Variants in OPCML observed in about 807,000 individuals in gnomAD.
The protein encoded by OPCML is opioid-binding protein/cell adhesion molecule.
OPCML carries 13 observed loss-of-function variants against 37.8 expected under a neutral mutation model. That is an observed-to-expected ratio of 0.34 (90% CI 0.22 to 0.55). OPCML has a LOEUF of 0.55. OPCML is among the 20% of genes least tolerant of loss of function. The pLI is 0.91. For missense variants in OPCML, 341 were observed against 435.6 expected (o/e 0.78, Z 1.93); for synonymous variants, 176 against 168.8 (o/e 1.04, Z -0.33).
intron 7 of OPCML, among the ~76,000 whole-genome samples, chr11:132,424,445 C>T (rs2095971213): frequency 6.6e-6 from 1 of 152,112 alleles, no homozygotes; most frequent in South Asian, 2.1e-4. Context: ...ATGACATATT[C>T]TATTCCAGAA....
intron 2 of OPCML, among the ~76,000 whole-genome samples, chr11:132,880,846 C>T (rs1943198852): frequency 6.6e-6 from 1 of 152,098 alleles, no homozygotes; most frequent in Non-Finnish European, 1.5e-5. Flanking sequence ...GAAACTGATC[C>T]CCACGCAGGG....
At chr11:132,561,683 T>C (rs916510624) in intron 3 of OPCML, among the ~76,000 whole-genome samples, 9 of 152,254 alleles carry the variant, frequency 5.9e-5, no homozygotes, top group African/African-American at 1.9e-4. Flanking sequence ...TGAATTCATG[T>C]CATACTTAAT....
At position 132,595,813 on chromosome 11, in the gene OPCML, A is replaced by G. The variant is rs566572616; in HGVS notation, c.379+61274T>C. Among the ~76,000 whole-genome samples, 145 of 152,342 alleles carry G rather than the reference A, an allele frequency of 9.5e-4. 3 individuals carry two copies. In the South Asian group the frequency reaches 0.029, roughly 31 times the overall value. On this transcript the variant is annotated intron_variant, in intron 3 of 7. Transcript: ENST00000524381. ...TTTAATTGGCTTGCTTTCTTGGGCT[A>G]TGTCAAATCTGTGTTTATGTTGCTT...
At chr11:132,799,913 C>A (rs549149967) in intron 2 of OPCML, among the ~76,000 whole-genome samples, 1 of 152,032 alleles carries the variant, frequency 6.6e-6, no homozygotes, top group Non-Finnish European at 1.5e-5. Context: ...ATTCTGGGCC[C>A]CTTATATTTC....
intron 1 of OPCML, among the ~76,000 whole-genome samples, chr11:133,275,495 A>T (rs552182547): frequency 1.2e-4 from 19 of 152,270 alleles, no homozygotes; most frequent in African/African-American, 4.3e-4. Flanking sequence ...CATTCCTCAC[A>T]GGCGTGGGAC....
At chr11:132,512,532 C>T (rs191001478) in intron 4 of OPCML, among the ~76,000 whole-genome samples, 1 of 151,968 alleles carries the variant, frequency 6.6e-6, no homozygotes, top group East Asian at 1.9e-4. Context: ...AATAAAAAAA[C>T]CACACACAAC....
At chr11:132,652,550 C>T (rs1056993625) in intron 3 of OPCML, among the ~76,000 whole-genome samples, 3 of 152,188 alleles carry the variant, frequency 2.0e-5, no homozygotes, top group Non-Finnish European at 1.5e-5. Flanking sequence ...GGGACTCAGC[C>T]AGGCTCTTAA....
intron 2 of OPCML, among the ~76,000 whole-genome samples, chr11:132,843,033 A>G (rs550435220): frequency 3.3e-5 from 5 of 152,092 alleles, no homozygotes; most frequent in African/African-American, 1.2e-4. Flanking sequence ...ATCAGTTGCC[A>G]GAGACTAGTT....
chr11:133,037,875 A>G (rs1445956850), intron 1 of OPCML, among the ~76,000 whole-genome samples: 1 of 152,178 alleles, frequency 6.6e-6, no homozygotes, highest in Non-Finnish European at 1.5e-5. Context: ...TTAATGGGTG[A>G]CCCTAACTGA....
chr11:132,672,024 CT>C (rs1362730043), intron 2 of OPCML, among the ~76,000 whole-genome samples: 1 of 152,070 alleles, frequency 6.6e-6, no homozygotes, highest in Non-Finnish European at 1.5e-5. Context: ...TGTAATGATT[CT>C]TTTGTAACAC....
At chr11:132,632,273 G>T (rs1940195029) in intron 3 of OPCML, among the ~76,000 whole-genome samples, 1 of 135,866 alleles carries the variant, frequency 7.4e-6, no homozygotes, top group Non-Finnish European at 1.6e-5. Flanking sequence ...TTTGGAGGGA[G>T]CAAGGAGGAG....
At chr11:132,880,380 TC>T (rs1462336047) in intron 2 of OPCML, among the ~76,000 whole-genome samples, 1 of 152,196 alleles carries the variant, frequency 6.6e-6, no homozygotes, top group Non-Finnish European at 1.5e-5. Context: ...ACGGGCCTTA[TC>T]TTTTGATTAA....
intron 4 of OPCML, among the ~76,000 whole-genome samples, chr11:132,455,881 G>T (rs565954197): frequency 2.0e-5 from 3 of 152,282 alleles, no homozygotes; most frequent in East Asian, 3.9e-4. Context: ...ACAGACATCA[G>T]ATGACATAAC....
At chr11:133,140,525 TAATAATAAGAAGAAGAAGAAGAAGAAG>T (rs1430786392) in intron 1 of OPCML, among the ~76,000 whole-genome samples, 18 of 57,040 alleles carry the variant, frequency 3.2e-4, no homozygotes, top group African/African-American at 1.0e-3. Flanking sequence ...ATAATAATAA[TAATAATAAGAAGAAGAAGAAGAAGAAG>T]AAGAAGAAGA....
At chr11:133,522,628 G>A (rs957707649) in intron 1 of OPCML, among the ~76,000 whole-genome samples, 3 of 152,134 alleles carry the variant, frequency 2.0e-5, no homozygotes, top group African/African-American at 4.8e-5. Context: ...TTCCAGCAGC[G>A]TAACAGATTG....
chr11:132,613,358 A>T (rs1296168991), intron 3 of OPCML, among the ~76,000 whole-genome samples: 1 of 152,244 alleles, frequency 6.6e-6, no homozygotes, highest in Non-Finnish European at 1.5e-5. Flanking sequence ...ACTGAACTTT[A>T]AATCAATTCA....
chr11:132,430,186 G>A (rs891635220), intron 7 of OPCML, among the ~76,000 whole-genome samples: 1 of 152,214 alleles, frequency 6.6e-6, no homozygotes, highest in African/African-American at 2.4e-5. Context: ...CTGAAGAGAA[G>A]CTCAGTCTTT....
intron 1 of OPCML, among the ~76,000 whole-genome samples, chr11:133,059,485 C>T (rs1417341472): frequency 6.6e-6 from 1 of 152,242 alleles, no homozygotes; most frequent in African/African-American, 2.4e-5. Flanking sequence ...CCCCAGCACA[C>T]AAAGCCCATT....
chr11:132,554,200 C>T (rs2096389053), intron 3 of OPCML, among the ~76,000 whole-genome samples: 1 of 152,222 alleles, frequency 6.6e-6, no homozygotes, highest in Non-Finnish European at 1.5e-5. Context: ...CGATTTCCTT[C>T]ACCCCATGTC....
Sources: gnomAD v4.1 joint callset for allele counts (sites outside exome capture counted in the v4.1 genomes callset) on GRCh38, gnomAD v4.1.1 for gene constraint, MANE v1.5 for transcripts, NCBI Gene and HGNC (gene_info 2026-07-23, HGNC 2026-07-21) for gene names.